The following GLIS3 variants were observed in gnomAD, a reference collection of about 807,000 sequenced individuals.
GLIS3 encodes GLIS family zinc finger 3, also known as zinc finger protein GLIS3.
A neutral mutation model predicts 78.6 loss-of-function variants in GLIS3; 53 were observed. That is an observed-to-expected ratio of 0.67 (90% CI 0.54 to 0.85). The LOEUF (loss-of-function observed/expected upper bound fraction) is 0.85. Among genes scored for constraint, GLIS3 ranks in the 40% least tolerant of loss-of-function variants. The pLI, the probability that GLIS3 is intolerant of heterozygous loss-of-function variation, is 0.00. For synonymous variants in GLIS3, 684 were observed against 509.9 expected (o/e 1.34, Z -4.60); for missense variants, 1,703 against 1,231.1 (o/e 1.38, Z -5.74).
At chr9:3,868,670 AGAGTCACTACATCC>A (rs1169470854) in intron 8 of GLIS3, among the ~76,000 whole-genome samples, 2 of 152,162 alleles carry the variant, frequency 1.3e-5, no homozygotes, top group African/African-American at 2.4e-5. Context: ...AATGTGTGCA[AGAGTCACTACATCC>A]CCCTTATTGG....
At chr9:4,203,982 G>A (rs1819628249) in intron 2 of GLIS3, among the ~76,000 whole-genome samples, 1 of 152,088 alleles carries the variant, frequency 6.6e-6, no homozygotes, top group African/African-American at 2.4e-5. Flanking sequence ...ATGGGGCAAG[G>A]GTTGAAAAAC....
chr9:4,421,190 C>T, the GLIS3 span, among the ~76,000 whole-genome samples: 6 of 152,096 alleles, frequency 3.9e-5, no homozygotes, highest in African/African-American at 1.4e-4. Flanking sequence ...TCATGAAAGG[C>T]TGAAATAATC....
At chr9:3,836,929 A>C (rs1283115282) in intron 9 of GLIS3, among the ~76,000 whole-genome samples, 1 of 152,218 alleles carries the variant, frequency 6.6e-6, no homozygotes, top group Non-Finnish European at 1.5e-5. Context: ...AAGCCAGAGC[A>C]AATGAAGGAC....
intron 2 of GLIS3, among the ~76,000 whole-genome samples, chr9:4,135,416 G>A (rs1315861866): frequency 6.6e-6 from 1 of 151,996 alleles, no homozygotes; most frequent in Non-Finnish European, 1.5e-5. Context: ...GAGTATGTAT[G>A]TTCTAATTCT....
At chr9:4,249,344 T>A (rs1402499579) in intron 2 of GLIS3, among the ~76,000 whole-genome samples, 2 of 152,206 alleles carry the variant, frequency 1.3e-5, no homozygotes. Flanking sequence ...TCACATCCCT[T>A]CTAAGTTGGA....
At chr9:4,432,845 T>G in the GLIS3 span, among the ~76,000 whole-genome samples, 1 of 152,038 alleles carries the variant, frequency 6.6e-6, no homozygotes, top group East Asian at 1.9e-4. Flanking sequence ...TTCATCACGT[T>G]GCCCAGTCTG....
intron 2 of GLIS3, among the ~76,000 whole-genome samples, chr9:4,238,449 T>G (rs78941383): frequency 0.019 from 2,845 of 152,192 alleles, 82 homozygotes; most frequent in African/African-American, 0.063. Context: ...CTAACTTCCT[T>G]CCTGAAATAC....
chr9:4,275,155 C>T (rs931115564), intron 2 of GLIS3, among the ~76,000 whole-genome samples: 1 of 152,076 alleles, frequency 6.6e-6, no homozygotes, highest in East Asian at 1.9e-4. Flanking sequence ...TATGCATATA[C>T]CGATGTCACT....
intron 8 of GLIS3, among the ~76,000 whole-genome samples, chr9:3,872,942 G>C (rs1584974): frequency 0.14 from 20,715 of 152,056 alleles, 1,751 homozygotes; most frequent in Non-Finnish European, 0.18. Context: ...AAATGAAATA[G>C]AAACTAAAAA....
chr9:4,092,141 A>G (rs1310160237), intron 4 of GLIS3, among the ~76,000 whole-genome samples: 1 of 133,804 alleles, frequency 7.5e-6, no homozygotes, highest in African/African-American at 2.8e-5. Flanking sequence ...TCTTACTGTA[A>G]CTGTTTTACA....
intron 4 of GLIS3, among the ~76,000 whole-genome samples, chr9:4,007,620 T>C (rs1453332199): frequency 2.0e-5 from 3 of 152,000 alleles, no homozygotes; most frequent in East Asian, 1.9e-4. Flanking sequence ...CATCTGATGG[T>C]AGAATTTCAG....
the GLIS3 span, among the ~76,000 whole-genome samples, chr9:4,466,165 T>A: frequency 6.6e-6 from 1 of 152,234 alleles, no homozygotes; most frequent in Non-Finnish European, 1.5e-5. Flanking sequence ...TACAAGGGTA[T>A]ATAATGAACA....
At chr9:4,185,444 C>G (rs1221057160) in intron 2 of GLIS3, among the ~76,000 whole-genome samples, 1 of 152,074 alleles carries the variant, frequency 6.6e-6, no homozygotes, top group African/African-American at 2.4e-5. Flanking sequence ...TGTTGACGTA[C>G]TAATATATAC....
chr9:3,893,459 G>A (rs964707560), intron 7 of GLIS3, among the ~76,000 whole-genome samples: 3 of 152,130 alleles, frequency 2.0e-5, no homozygotes, highest in African/African-American at 7.2e-5. Flanking sequence ...TCAGCTGAGT[G>A]GTTATAAGAT....
intron 2 of GLIS3, among the ~76,000 whole-genome samples, chr9:4,184,603 A>G (rs1817606410): frequency 1.3e-5 from 2 of 152,208 alleles, no homozygotes; most frequent in Admixed American, 6.5e-5. Flanking sequence ...AAAGAGAGAG[A>G]GGAGAAAAGA....
the GLIS3 span, among the ~76,000 whole-genome samples, chr9:4,411,522 G>A: frequency 6.6e-6 from 1 of 152,180 alleles, no homozygotes; most frequent in Non-Finnish European, 1.5e-5. Context: ...ATTTATCTGT[G>A]TATCCCAGTT....
At chr9:4,476,581 C>T in the GLIS3 span, among the ~76,000 whole-genome samples, 1 of 152,034 alleles carries the variant, frequency 6.6e-6, no homozygotes, top group Non-Finnish European at 1.5e-5. Flanking sequence ...AGGCTGGTCT[C>T]GAACTCCTGA....
chr9:4,273,930 A>T (rs1826755977), intron 2 of GLIS3, among the ~76,000 whole-genome samples: 1 of 152,142 alleles, frequency 6.6e-6, no homozygotes, highest in African/African-American at 2.4e-5. Flanking sequence ...TTCCACCCTC[A>T]GGCCATAATG....
intron 2 of GLIS3, among the ~76,000 whole-genome samples, chr9:4,188,630 C>T (rs1395152258): frequency 3.9e-5 from 6 of 152,104 alleles, no homozygotes; most frequent in Admixed American, 1.3e-4. Flanking sequence ...TGGTCCTGGA[C>T]TCTTTTTGGT....
Sources: allele counts gnomAD v4.1 joint callset (sites outside exome capture counted in the v4.1 genomes callset), GRCh38; gene constraint gnomAD v4.1.1; transcripts MANE v1.5; gene names NCBI Gene and HGNC (gene_info 2026-07-23, HGNC 2026-07-21).